The following CCDC180 variants were observed in gnomAD, a reference collection of about 807,000 sequenced individuals.
CCDC180 encodes the protein coiled-coil domain-containing protein 180.
Under a neutral mutation model 209.2 loss-of-function variants are expected in CCDC180, and 154 were observed. The ratio of observed to expected loss-of-function variants is 0.74; its 90% confidence interval spans 0.65 to 0.84. The LOEUF (loss-of-function observed/expected upper bound fraction) is 0.84. CCDC180 is among the 40% of genes least tolerant of loss of function. The pLI, the probability that CCDC180 is intolerant of heterozygous loss-of-function variation, is 0.00. For missense variants in CCDC180, 1,874 were observed against 1,997.3 expected (o/e 0.94, Z 1.18); for synonymous variants, 778 against 749.1 (o/e 1.04, Z -0.63).
At chr9:97,356,918 T>A (rs767490710) in intron 24 of CCDC180, among the ~76,000 whole-genome samples, 1 of 152,248 alleles carries the variant, frequency 6.6e-6, no homozygotes, top group Non-Finnish European at 1.5e-5. Flanking sequence ...AAGATGGGGA[T>A]ATGCCAAAAT....
chr9:97,354,743 C>G (rs776394671), intron 23 of CCDC180, 30 bp downstream of exon 23: 28 of 1,613,808 alleles, frequency 1.7e-5, no homozygotes, highest in Non-Finnish European at 2.4e-5. Flanking sequence ...CCCAGGCCAA[C>G]CGGTTCCACA....
rs1005842670 is a variant in CCDC180, at chr9:97,350,568, G to A, written c.3002+13G>A. The stretch of plus-strand genomic sequence containing the variant: ...TCAAACACTGCAGGTGGGAGCCAGT[G>A]TCCAGGGCCTCTTCAGGCCACCTGA... On this transcript the variant is annotated intron_variant, in intron 22 of 36. Coordinates refer to ENST00000529487, the MANE Select transcript of CCDC180 (RefSeq NM_020893.6). The A allele has an allele frequency of 1.2e-5, 18 of 1,535,910 alleles. No individual in the cohort carries two copies. Among genetic ancestry groups the A allele is most frequent in the Admixed American group, 3.9e-5 (2 of 50,968 alleles).
chr9:97,350,279 C>G, intron 21 of CCDC180, 130 bp from the exon 22 acceptor site: 1 of 855,774 alleles, frequency 1.2e-6, no homozygotes, highest in Non-Finnish European at 1.8e-6. Context: ...CCTCCTGTGT[C>G]CCCAGGCTGG....
In CCDC180 at chr9:97,314,424, G is replaced by C; in HGVS notation, c.491G>C (p.Gly164Ala). Reference sequence around the variant, plus strand: ...GAACCTCTCATCGTGGACACAGGGGGACTTTTTTTGAAGAAGCTGACTGAG... The same window carrying C: ...GAACCTCTCATCGTGGACACAGGGGCACTTTTTTTGAAGAAGCTGACTGAG... ...EMEPLIVDTG[G>A]LFLKKLTESD... The change falls in exon 6 of 37, where the codon GGA becomes GCA. Residue 164 changes from glycine (G) to alanine (A), a missense_variant. Gly to Ala is a moderately conservative substitution (Grantham distance 60, BLOSUM62 0). Transcript: ENST00000529487. 1 of 1,614,146 alleles carries C rather than the reference G, an allele frequency of 6.2e-7. No homozygotes were observed. The highest frequency in any genetic ancestry group is 1.7e-5 in the Admixed American group (1 of 60,028).
Position 97,362,062 on chromosome 9 carries a change from C to T in CCDC180, c.3657-134C>T, listed in dbSNP as rs1036407873. ...GCTTCCCCACCCAGAGCCCCAGTTTCTCATCTGAAATGGGGCTCGTGACAG... is the reference window on the plus strand; with the variant it reads ...GCTTCCCCACCCAGAGCCCCAGTTTTTCATCTGAAATGGGGCTCGTGACAG... On this transcript the variant is annotated intron_variant, in intron 27 of 36. Coordinates refer to ENST00000529487, the MANE Select transcript of CCDC180 (RefSeq NM_020893.6). 9 of 1,398,766 alleles carry T rather than the reference C, an allele frequency of 6.4e-6. No individual in the cohort carries two copies. The South Asian group carries it at 1.1e-4, about 17-fold the overall frequency. The allele number at this position is 1,398,766 out of a possible 1,614,324, so 86.6% of individuals were successfully genotyped here. A position where few individuals can be genotyped will look rare whatever the true frequency, so the allele number is the denominator to read the frequency against.
chr9:97,328,916 C>T (rs1031463343), intron 16 of CCDC180, among the ~76,000 whole-genome samples: 1 of 152,174 alleles, frequency 6.6e-6, no homozygotes, highest in Admixed American at 6.5e-5. Flanking sequence ...GCACATAATT[C>T]AGACACAATA....
In CCDC180 at chr9:97,330,422, G is replaced by T; in HGVS notation, c.1929G>T (p.Gly643=). 1.2e-6 allele frequency: 2 copies of T among 1,614,146 alleles called. No homozygotes were observed. Among genetic ancestry groups the T allele is most frequent in the South Asian group, 2.2e-5 (2 of 91,072 alleles). Residue 643 remains glycine (G), a synonymous_variant, in exon 18 of 37, where the codon GGG becomes GGT. Coordinates refer to ENST00000529487, the MANE Select transcript of CCDC180 (RefSeq NM_020893.6). ...GAAGTGAGGAAAGCATAAGTAGTGG[G>T]ACAAGTACTGCCAGGTCAGTAGAAG... ...MTRSEESISS[G]TSTARSVEEV...
chr9:97,349,513 G>A (rs188385327), intron 21 of CCDC180, among the ~76,000 whole-genome samples: 1 of 152,356 alleles, frequency 6.6e-6, no homozygotes, highest in East Asian at 1.9e-4. Flanking sequence ...ATATGCACAG[G>A]CAGCATGCAA....
chr9:97,326,734 C>A (rs1833547388), intron 15 of CCDC180, 65 bp downstream of exon 15: 1 of 1,056,772 alleles, frequency 9.5e-7, no homozygotes, highest in Admixed American at 1.7e-5. Context: ...AGGTCAAGGG[C>A]AGCCTGCCCA....
rs1429249303 is a variant in CCDC180 at position 97,323,873 on chromosome 9, C to G, written c.1341C>G (p.Gly447=). Reference sequence around the variant, plus strand: ...TCCAGATGGTGGGAGCACTCCAGGGCAAAGTGGAGGAGGACCTGGAGCTCT... The same window carrying G: ...TCCAGATGGTGGGAGCACTCCAGGGGAAAGTGGAGGAGGACCTGGAGCTCT... ...FFFQMVGALQ[G]KVEEDLELLD... The change falls in exon 13 of 37, where the codon GGC becomes GGG. Residue 447 remains glycine (G), a synonymous_variant. Transcript: ENST00000529487. The G allele has an allele frequency of 1.4e-5, 21 of 1,554,890 alleles. No homozygotes were observed. The highest frequency in any genetic ancestry group is 1.8e-5 in the Non-Finnish European group (21 of 1,148,774).
At chr9:97,324,730 GC>G (rs1167584603) in intron 13 of CCDC180, among the ~76,000 whole-genome samples, 2 of 152,224 alleles carry the variant, frequency 1.3e-5, no homozygotes, top group Admixed American at 6.5e-5. Context: ...TTTAGGAATG[GC>G]CCAAACTCCA....
rs144353260 is a variant in CCDC180 at position 97,309,555 on chromosome 9, A to G, written c.211A>G (p.Met71Val). ...EVMSPRQQKWMHSLPNDWIME... is the reference protein window; with the variant it reads ...EVMSPRQQKWVHSLPNDWIME... ...GATGTCTCCCCGACAGCAGAAGTGG[A>G]TGCACAGCCTCCCCAACGACTGGAT... Residue 71 changes from methionine to valine, a missense_variant, in exon 3 of 37, where the codon ATG (methionine) becomes GTG (valine). Physicochemically the swap from Met to Val is conservative, Grantham distance 21 (BLOSUM62 1). Coordinates refer to ENST00000529487, the MANE Select transcript of CCDC180 (RefSeq NM_020893.6). 2.5e-6 allele frequency: 4 copies of G among 1,593,204 alleles called. No homozygotes were observed. In the Admixed American group the frequency reaches 5.3e-5, roughly 21 times the overall value.
In CCDC180 at chr9:97,331,649, T is replaced by C. The variant is rs145299362; in HGVS notation, c.2274+882T>C. ...GTTTTGATTTGCATTTCTCTAATGA[T>C]TAGTGATGTTGAGCACCTTTTCATA... On this transcript the variant is annotated intron_variant, in intron 18 of 36. Coordinates refer to ENST00000529487, the MANE Select transcript of CCDC180 (RefSeq NM_020893.6). 7.2e-5 allele frequency among the ~76,000 whole-genome samples: 11 copies of C among 152,322 alleles called. No homozygotes were observed. In the East Asian group the frequency reaches 1.3e-3, roughly 19 times the overall value.
chr9:97,313,422 C>T, intron 5 of CCDC180, 77 bp downstream of exon 5: 4 of 945,302 alleles, frequency 4.2e-6, no homozygotes, highest in Non-Finnish European at 3.3e-6. Flanking sequence ...CCCAGCCTTC[C>T]TCCCCCTCTC....
chr9:97,308,528 G>A (rs713066), intron 2 of CCDC180, among the ~76,000 whole-genome samples: 94,756 of 151,992 alleles, frequency 0.62, 30,288 homozygotes, highest in African/African-American at 0.75. Flanking sequence ...GCCCGTGGGC[G>A]CCCATGTATT....
rs967213337 is a variant in CCDC180 at position 97,371,488 on chromosome 9, G to A, written c.4489-107G>A. 8.2e-6 allele frequency: 5 copies of A among 607,120 alleles called. No individual in the cohort carries two copies. The East Asian group carries it at 1.4e-4, about 16-fold the overall frequency. The allele number at this position is 607,120 out of a possible 1,614,324, so 37.6% of individuals were successfully genotyped here. On this transcript the variant is annotated intron_variant, in intron 33 of 36. Transcript: ENST00000529487. ...GTTACTTGGACACAGTGGATATAAT[G>A]GCTTGGGTCCCCAGATCTCCCTGCA...
chr9:97,339,517 TG>T (rs143458599), intron 18 of CCDC180, among the ~76,000 whole-genome samples: 44,758 of 152,044 alleles, frequency 0.29, 7,219 homozygotes, highest in African/African-American at 0.41. Flanking sequence ...GGGTTTCTGC[TG>T]AGAGATCCAC....
chr9:97,369,466 T>A (rs540927389), intron 31 of CCDC180: 1 of 160,102 alleles, frequency 6.2e-6, no homozygotes, highest in Non-Finnish European at 1.4e-5. Context: ...TATGTTATGT[T>A]ATGTTATGTT....
rs1185528553 is a variant in CCDC180, at chr9:97,366,481, G to A, written c.4048-78G>A. 1.4e-6 allele frequency: 2 copies of A among 1,468,858 alleles called. No individual in the cohort carries two copies. The highest frequency in any genetic ancestry group is 1.9e-6 in the Non-Finnish European group (2 of 1,069,580). The allele number at this position is 1,468,858 out of a possible 1,614,324, so 91.0% of individuals were successfully genotyped here. On this transcript the variant is annotated intron_variant, in intron 30 of 36. Transcript: ENST00000529487. This position sits in a 1 kb window ranked among gnomAD's most constrained non-coding sequence, Gnocchi z 4.3. ...AAAGGCTAGGGAGTGTGGAGGTGAG[G>A]GCAGGCTGGTGGATCCCAGGAGCAA...
Sources: allele counts gnomAD v4.1 joint callset (sites outside exome capture counted in the v4.1 genomes callset), GRCh38; gene constraint gnomAD v4.1.1; non-coding constraint Gnocchi (gnomAD v3.1); transcripts MANE v1.5; gene names NCBI Gene and HGNC (gene_info 2026-07-23, HGNC 2026-07-21).